The following MAP3K5 variants were observed in gnomAD, a reference collection of about 807,000 sequenced individuals.
MAP3K5 encodes the protein mitogen-activated protein kinase kinase kinase 5.
In MAP3K5, 56 loss-of-function variants were observed where a neutral mutation model predicts 158.7. The ratio of observed to expected loss-of-function variants is 0.35; its 90% CI spans 0.28 to 0.44. The LOEUF (loss-of-function observed/expected upper bound fraction) is 0.44, where lower values mean the gene tolerates loss of function less well. Ranked by LOEUF, MAP3K5 falls within the 20% of genes least tolerant of loss-of-function variation. The pLI, the probability that MAP3K5 is intolerant of heterozygous loss-of-function variation, is 1.00. For missense variants in MAP3K5, 1,294 were observed against 1,674.8 expected, an observed-to-expected ratio of 0.77 and a Z score of 3.97; for synonymous variants, 579 against 601.7, an observed-to-expected ratio of 0.96 and a Z score of 0.55.
At chr6:136,718,376 G>A (rs1283118270) in intron 2 of MAP3K5, among the ~76,000 whole-genome samples, 1 of 152,034 alleles carries the variant, frequency 6.6e-6, no homozygotes, top group East Asian at 1.9e-4. Context: ...GCTAATTTTT[G>A]TATTTAGTAG....
rs543138922 is a variant in MAP3K5 at position 136,744,749 on chromosome 6, A to G, written c.449-24160T>C. ...AAGAATAATTCACAGCCTTGGCTGC[A>G]CATTGTAATCACCTGGGGGCTTTGA... On this transcript the variant is annotated intron_variant, in intron 1 of 29. Coordinates refer to ENST00000359015, the MANE Select transcript of MAP3K5 (RefSeq NM_005923.4). Among the ~76,000 whole-genome samples the G allele has an allele frequency of 3.9e-5, 6 of 152,318 alleles. No individual in the cohort carries two copies. In the South Asian group the frequency reaches 1.2e-3, roughly 32 times the overall value.
At chr6:136,729,121 C>T (rs1782097952) in intron 1 of MAP3K5, among the ~76,000 whole-genome samples, 1 of 152,296 alleles carries the variant, frequency 6.6e-6, no homozygotes, top group South Asian at 2.1e-4. Context: ...ACACATCCTT[C>T]GGAGGTGACC....
In MAP3K5 at chr6:136,749,244, G is replaced by A. The variant is rs534046773; in HGVS notation, c.449-28655C>T. ...ACAAATTAGCCGGGTATGGTGGCAC[G>A]CGCCTCTAATCCCAGCTACTCAGGA... On this transcript the variant is annotated intron_variant, in intron 1 of 29. Transcript: ENST00000359015. Among the ~76,000 whole-genome samples, 12 of 152,030 alleles carry A rather than the reference G, an allele frequency of 7.9e-5. No individual in the cohort carries two copies. The South Asian group carries it at 1.0e-3, about 13-fold the overall frequency.
intron 7 of MAP3K5, among the ~76,000 whole-genome samples, chr6:136,686,073 T>TG (rs979536849): frequency 1.3e-5 from 2 of 152,004 alleles, no homozygotes; most frequent in African/African-American, 4.8e-5. Flanking sequence ...GATTGGGGAG[T>TG]GGGGGCTCCC....
At chr6:136,579,846 G>A (rs577055478) in intron 25 of MAP3K5, 8 of 456,700 alleles carry the variant, frequency 1.8e-5, no homozygotes, top group Admixed American at 1.2e-4. Flanking sequence ...ATTCCTGGCA[G>A]ATTCTTATTT....
At chr6:136,605,121 A>G in intron 19 of MAP3K5, 88 bp downstream of exon 19, 1 of 1,345,206 alleles carries the variant, frequency 7.4e-7, no homozygotes, top group East Asian at 2.3e-5. Flanking sequence ...AGCACCCTTT[A>G]TCTAAAAAAA....
At chr6:136,599,750 C>A (rs1775794502) in intron 21 of MAP3K5, among the ~76,000 whole-genome samples, 1 of 152,066 alleles carries the variant, frequency 6.6e-6, no homozygotes, top group Non-Finnish European at 1.5e-5. Flanking sequence ...ATGCATGTCC[C>A]ATATTTAGAA....
intron 23 of MAP3K5, among the ~76,000 whole-genome samples, chr6:136,585,481 A>ATTTC (rs1562524822): frequency 8.3e-6 from 1 of 119,822 alleles, no homozygotes; most frequent in African/African-American, 3.5e-5. Flanking sequence ...TTCTTTATTT[A>ATTTC]TTTATTTATT....
chr6:136,604,466 C>CA (rs1776018294), intron 19 of MAP3K5, among the ~76,000 whole-genome samples: 1 of 152,010 alleles, frequency 6.6e-6, no homozygotes, highest in Non-Finnish European at 1.5e-5. Flanking sequence ...TAGAAAGTAG[C>CA]AGATGTGTGA....
At chr6:136,679,868 A>T (rs902478178) in intron 7 of MAP3K5, among the ~76,000 whole-genome samples, 5 of 152,234 alleles carry the variant, frequency 3.3e-5, no homozygotes, top group Admixed American at 1.3e-4. Context: ...AAGTAGCATC[A>T]TTTACAATAG....
At chr6:136,724,834 T>C (rs934529642) in intron 1 of MAP3K5, among the ~76,000 whole-genome samples, 7 of 152,198 alleles carry the variant, frequency 4.6e-5, no homozygotes, top group Non-Finnish European at 1.0e-4. Flanking sequence ...ATGTACAGTC[T>C]AATGGGCTTT....
At chr6:136,721,013 A>T (rs1467311342) in intron 1 of MAP3K5, among the ~76,000 whole-genome samples, 1 of 152,146 alleles carries the variant, frequency 6.6e-6, no homozygotes, top group Non-Finnish European at 1.5e-5. Context: ...TCCCGGCCTC[A>T]AATAATCCTC....
chr6:136,617,872 G>A (rs1776634768), intron 15 of MAP3K5, among the ~76,000 whole-genome samples: 1 of 152,154 alleles, frequency 6.6e-6, no homozygotes, highest in African/African-American at 2.4e-5. Flanking sequence ...GGCGGAGGTT[G>A]CAGTGAGCCG....
At chr6:136,725,953 A>G (rs879675202) in intron 1 of MAP3K5, among the ~76,000 whole-genome samples, 6 of 152,324 alleles carry the variant, frequency 3.9e-5, no homozygotes, top group African/African-American at 1.4e-4. Context: ...TTTTCATCAA[A>G]CATTAACTGG....
intron 1 of MAP3K5, among the ~76,000 whole-genome samples, chr6:136,789,880 G>C (rs1784999073): frequency 6.6e-6 from 1 of 151,756 alleles, no homozygotes; most frequent in Non-Finnish European, 1.5e-5. Context: ...GTAGAGACAG[G>C]GTTTCACCAT....
At chr6:136,715,311 CCTGGTGG>C (rs1409061019) in intron 2 of MAP3K5, among the ~76,000 whole-genome samples, 5 of 152,056 alleles carry the variant, frequency 3.3e-5, no homozygotes, top group African/African-American at 1.2e-4. Flanking sequence ...TATACGTTAT[CCTGGTGG>C]ATACAAAAAA....
intron 7 of MAP3K5, among the ~76,000 whole-genome samples, chr6:136,693,567 A>G (rs1780478257): frequency 6.6e-6 from 1 of 151,472 alleles, no homozygotes; most frequent in South Asian, 2.1e-4. Context: ...CTACAAAATT[A>G]TATTTTATTA....
chr6:136,616,300 CT>C (rs537263288), intron 15 of MAP3K5, among the ~76,000 whole-genome samples: 2,693 of 122,644 alleles, frequency 0.022, 37 homozygotes, highest in African/African-American at 0.068. Context: ...ACCTGCTCCT[CT>C]TTTTTTTTTT....
At chr6:136,730,134 G>GC (rs1371470322) in intron 1 of MAP3K5, among the ~76,000 whole-genome samples, 1 of 144,328 alleles carries the variant, frequency 6.9e-6, no homozygotes, top group Non-Finnish European at 1.5e-5. Flanking sequence ...CACCATACCT[G>GC]TTTTTTTGTT....
Sources: gnomAD v4.1 joint callset for allele counts (sites outside exome capture counted in the v4.1 genomes callset) on GRCh38, gnomAD v4.1.1 for gene constraint, MANE v1.5 for transcripts, NCBI Gene and HGNC (gene_info 2026-07-23, HGNC 2026-07-21) for gene names.